The following AOPEP variants were observed in gnomAD, a reference collection of about 807,000 sequenced individuals.
AOPEP encodes the protein aminopeptidase O (putative).
In AOPEP, 77 loss-of-function variants were observed where a neutral mutation model predicts 98.1. The observed-to-expected ratio is 0.78, with a 90% CI of 0.65 to 0.95. The LOEUF is 0.95. Among genes scored for constraint, AOPEP ranks in the 40% least tolerant of loss-of-function variants. AOPEP has a pLI of 0.00. For synonymous variants in AOPEP, 346 were observed against 365.3 expected, an observed-to-expected ratio of 0.95 and a Z score of 0.60; for missense variants, 1,024 against 1,024.7, an observed-to-expected ratio of 1.00 and a Z score of 0.01.
intron 11 of AOPEP, among the ~76,000 whole-genome samples, chr9:94,997,112 G>A (rs16911899): frequency 5.9e-5 from 9 of 152,198 alleles, no homozygotes; most frequent in South Asian, 4.1e-4. Flanking sequence ...TGCACTTTTC[G>A]CTAAGGACCC....
At chr9:94,863,146 T>A (rs1417696040) in intron 5 of AOPEP, among the ~76,000 whole-genome samples, 1 of 151,896 alleles carries the variant, frequency 6.6e-6, no homozygotes, top group Non-Finnish European at 1.5e-5. Context: ...CAGGGTGGAG[T>A]GGGAACCGGG....
Position 94,971,516 on chromosome 9 carries a change from C to T in AOPEP, c.1916+3715C>T, listed in dbSNP as rs115318513. 7.5e-3 allele frequency among the ~76,000 whole-genome samples: 1,136 copies of T among 152,202 alleles called. 20 individuals are homozygous for T. Among genetic ancestry groups the T allele is most frequent in the African/African-American group, 0.026 (1,088 of 41,516 alleles). On this transcript the variant is annotated intron_variant, in intron 10 of 16. Transcript: ENST00000375315. ...AATTTTATCTAGGTCTCCAAAGGCCCCACACCTACCCCCCGGAGCCTCTAA... is the reference window on the plus strand; with the variant it reads ...AATTTTATCTAGGTCTCCAAAGGCCTCACACCTACCCCCCGGAGCCTCTAA...
At chr9:94,860,398 G>A (rs2044782769) in intron 5 of AOPEP, among the ~76,000 whole-genome samples, 1 of 152,120 alleles carries the variant, frequency 6.6e-6, no homozygotes, top group African/African-American at 2.4e-5. Context: ...CAGTGGCAAG[G>A]GTGGGGACGG....
At chr9:94,903,765 G>A (rs578052056) in intron 5 of AOPEP, among the ~76,000 whole-genome samples, 1 of 151,844 alleles carries the variant, frequency 6.6e-6, no homozygotes, top group South Asian at 2.1e-4. Context: ...GCTGGGTGTG[G>A]TGGTGGGTAC....
the AOPEP span, chr9:95,126,861 AG>A: frequency 2.4e-6 from 1 of 421,360 alleles, no homozygotes; most frequent in East Asian, 4.6e-5. Context: ...ATACAGAATC[AG>A]TAAGTATTAG....
chr9:94,868,743 C>G (rs2045982464), intron 5 of AOPEP, among the ~76,000 whole-genome samples: 1 of 152,164 alleles, frequency 6.6e-6, no homozygotes, highest in Non-Finnish European at 1.5e-5. Context: ...CCCTATGTTA[C>G]CTTCCCTGAT....
chr9:95,003,025 C>G lies in AOPEP; in HGVS notation c.1978-2133C>G, dbSNP rs190877445. Among the ~76,000 whole-genome samples the G allele has an allele frequency of 2.3e-4, 35 of 152,276 alleles. 1 individual carries two copies. The East Asian group carries it at 6.6e-3, about 29-fold the overall frequency. On this transcript the variant is annotated intron_variant, in intron 11 of 16. Coordinates refer to ENST00000375315, the MANE Select transcript of AOPEP (RefSeq NM_001193329.3). ...CTCATGCCGGAAACCGTTAGGTTATCCATGATCTGGGTGCTAGGAAGAAAG... is the reference window on the plus strand; with the variant it reads ...CTCATGCCGGAAACCGTTAGGTTATGCATGATCTGGGTGCTAGGAAGAAAG...
chr9:94,901,565 A>G (rs1316058683), intron 5 of AOPEP, among the ~76,000 whole-genome samples: 1 of 152,140 alleles, frequency 6.6e-6, no homozygotes, highest in African/African-American at 2.4e-5. Flanking sequence ...TTTGCTAGCC[A>G]CAAGAGAAAA....
At chr9:94,731,388 C>T (rs1400630960) in intron 1 of AOPEP, among the ~76,000 whole-genome samples, 3 of 152,050 alleles carry the variant, frequency 2.0e-5, no homozygotes, top group Non-Finnish European at 2.9e-5. Flanking sequence ...CCACCATGCC[C>T]GGCTAGTTTT....
chr9:95,138,590 A>C, the AOPEP span, among the ~76,000 whole-genome samples: 2 of 152,192 alleles, frequency 1.3e-5, no homozygotes, highest in African/African-American at 2.4e-5. Context: ...ATCTTTTTTC[A>C]GGATCCATGT....
At chr9:94,882,883 G>A (rs757904538) in intron 5 of AOPEP, among the ~76,000 whole-genome samples, 5 of 152,112 alleles carry the variant, frequency 3.3e-5, no homozygotes, top group Non-Finnish European at 7.4e-5. Context: ...CCAAAAATAC[G>A]TACATTGTGG....
the AOPEP span, among the ~76,000 whole-genome samples, chr9:95,104,777 C>T: frequency 6.6e-6 from 1 of 152,148 alleles, no homozygotes; most frequent in Non-Finnish European, 1.5e-5. Flanking sequence ...CTTCTCCACT[C>T]ACACGGGCCA....
rs1237632310 is a variant in AOPEP at position 94,800,694 on chromosome 9, T to G, written c.1119-63T>G. ...CTAAAAGTTGTCTACATCTGCAAGA[T>G]TGCCTCACCTCCACAGCAAGAATAA... On this transcript the variant is annotated intron_variant, in intron 4 of 16. Transcript: ENST00000375315. 4 of 1,581,588 alleles carry G rather than the reference T, an allele frequency of 2.5e-6. No individual in the cohort carries two copies. The East Asian group carries it at 6.7e-5, about 27-fold the overall frequency.
In AOPEP at chr9:94,972,849, G is replaced by A. The variant is rs2059614765; in HGVS notation, c.1916+5048G>A. ...AGCTACTCGGGAGGCTGAGGTGGGAGGATGGCTTGAGTCCAGGCGTTTGAG... is the reference window on the plus strand; with the variant it reads ...AGCTACTCGGGAGGCTGAGGTGGGAAGATGGCTTGAGTCCAGGCGTTTGAG... On this transcript the variant is annotated intron_variant, in intron 10 of 16. Transcript: ENST00000375315. This position sits in a 1 kb window ranked among gnomAD's most constrained non-coding sequence, Gnocchi z 4.2. Among the ~76,000 whole-genome samples the A allele has an allele frequency of 6.6e-6, 1 of 152,076 alleles. No individual in the cohort carries two copies. Among genetic ancestry groups the A allele is most frequent in the Admixed American group, 6.5e-5 (1 of 15,272 alleles).
In AOPEP at chr9:94,795,648, G is replaced by A. The variant is rs190638819; in HGVS notation, c.1118+2730G>A. ...TAGCCATATTCCAAAGAGATGTGGG[G>A]TTGAGGAGTGGGCAGCAGCCACTGA... On this transcript the variant is annotated intron_variant, in intron 4 of 16. Coordinates refer to ENST00000375315, the MANE Select transcript of AOPEP (RefSeq NM_001193329.3). 3.9e-4 allele frequency among the ~76,000 whole-genome samples: 60 copies of A among 152,308 alleles called. 1 individual carries two copies. The East Asian group carries it at 0.011, about 28-fold the overall frequency.
At chr9:95,043,905 G>T (rs1021819533) in intron 13 of AOPEP, among the ~76,000 whole-genome samples, 1 of 152,180 alleles carries the variant, frequency 6.6e-6, no homozygotes, top group African/African-American at 2.4e-5. Context: ...TGATCCACCA[G>T]CCTCAGCAAA....
chr9:94,986,662 A>C (rs2060540325), intron 11 of AOPEP, among the ~76,000 whole-genome samples: 1 of 152,194 alleles, frequency 6.6e-6, no homozygotes, highest in Non-Finnish European at 1.5e-5. Flanking sequence ...TTCCCCCAGA[A>C]AGTGGTAATA....
At chr9:94,945,075 C>T (rs931465945) in intron 7 of AOPEP, among the ~76,000 whole-genome samples, 4 of 152,108 alleles carry the variant, frequency 2.6e-5, no homozygotes, top group South Asian at 2.1e-4. Flanking sequence ...ATGAGACCCA[C>T]GGGGCCATTT....
At chr9:94,996,885 C>T (rs1304663674) in intron 11 of AOPEP, among the ~76,000 whole-genome samples, 2 of 152,162 alleles carry the variant, frequency 1.3e-5, no homozygotes. Flanking sequence ...TGGAACAATA[C>T]CTTTTGCACA....
Sources: gnomAD v4.1 joint callset for allele counts (sites outside exome capture counted in the v4.1 genomes callset) on GRCh38, gnomAD v4.1.1 for gene constraint, Gnocchi (gnomAD v3.1) non-coding constraint, MANE v1.5 for transcripts, NCBI Gene and HGNC (gene_info 2026-07-23, HGNC 2026-07-21) for gene names.